DLC1: variants seen among roughly 807,000 people sequenced by gnomAD.
DLC1 encodes DLC1 Rho GTPase activating protein.
DLC1 carries 54 observed loss-of-function variants against 140.3 expected under a neutral mutation model. The observed-to-expected ratio is 0.38, with a 90% CI of 0.31 to 0.48. The LOEUF is 0.48. Ranked by LOEUF, DLC1 falls within the 20% of genes least tolerant of loss-of-function variation. DLC1 has a pLI of 0.96. For missense variants in DLC1, 2,536 were observed against 1,907.0 expected, an observed-to-expected ratio of 1.33 and a Z score of -6.14; for synonymous variants, 986 against 728.1, an observed-to-expected ratio of 1.35 and a Z score of -5.70.
upstream of DLC1, among the ~76,000 whole-genome samples, chr8:13,515,099 AAAAG>A (rs562230594): frequency 4.3e-3 from 660 of 152,262 alleles, 5 homozygotes; most frequent in African/African-American, 0.015. Context: ...TGCTTATGAA[AAAAG>A]AAAGAAAGAA....
Position 13,211,291 on chromosome 8 carries a change from T to C in DLC1, c.1348+93978A>G, listed in dbSNP as rs573014565. 7.2e-5 allele frequency among the ~76,000 whole-genome samples: 11 copies of C among 152,356 alleles called. No individual in the cohort carries two copies. In the South Asian group the frequency reaches 2.3e-3, roughly 32 times the overall value. ...TAGCTAGCCATCAATGCACAAGGGC[T>C]ACTCTGTGCTACTTTGCCTAGGGGT... On this transcript the variant is annotated intron_variant, in intron 5 of 17. Coordinates refer to ENST00000276297, the MANE Select transcript of DLC1 (RefSeq NM_182643.3).
At chr8:13,216,244 C>T (rs1828194290) in intron 5 of DLC1, among the ~76,000 whole-genome samples, 1 of 152,182 alleles carries the variant, frequency 6.6e-6, no homozygotes, top group African/African-American at 2.4e-5. Flanking sequence ...CCAAAGGTCT[C>T]ATTTGATACT....
intron 1 of DLC1, among the ~76,000 whole-genome samples, chr8:13,581,375 C>G (rs181780490): frequency 1.9e-4 from 29 of 152,262 alleles, no homozygotes; most frequent in African/African-American, 7.0e-4. Flanking sequence ...CTTGCTGTTC[C>G]CCCAGTCCTG....
chr8:13,343,026 G>T (rs75464382), intron 4 of DLC1, among the ~76,000 whole-genome samples: 2 of 152,018 alleles, frequency 1.3e-5, no homozygotes, highest in African/African-American at 4.8e-5. Context: ...TAATTTTCCC[G>T]TTAACGTTAA....
At chr8:13,361,669 A>T (rs1281800661) in intron 4 of DLC1, among the ~76,000 whole-genome samples, 1 of 152,170 alleles carries the variant, frequency 6.6e-6, no homozygotes, top group South Asian at 2.1e-4. Context: ...TATTTCCTAT[A>T]TTTCAAAGAT....
chr8:13,265,203 A>T (rs1830635597), intron 5 of DLC1, among the ~76,000 whole-genome samples: 1 of 152,236 alleles, frequency 6.6e-6, no homozygotes, highest in Non-Finnish European at 1.5e-5. Flanking sequence ...ATGGTCTTTT[A>T]TTAATTCACT....
chr8:13,517,741 G>A (rs1802636489), upstream of DLC1, among the ~76,000 whole-genome samples: 1 of 152,204 alleles, frequency 6.6e-6, no homozygotes, highest in Non-Finnish European at 1.5e-5. Flanking sequence ...GGACAGTTAA[G>A]AACTTGAAAA....
chr8:13,202,561 G>C (rs1285570676), intron 5 of DLC1, among the ~76,000 whole-genome samples: 1 of 151,718 alleles, frequency 6.6e-6, no homozygotes, highest in Non-Finnish European at 1.5e-5. Flanking sequence ...CTTCGCTGTG[G>C]GCTTTATCTT....
intron 2 of DLC1, among the ~76,000 whole-genome samples, chr8:13,497,720 C>T (rs1292079416): frequency 6.6e-6 from 1 of 152,056 alleles, no homozygotes; most frequent in Non-Finnish European, 1.5e-5. Context: ...TACAGCATTC[C>T]CTCAAACAGA....
At chr8:13,125,329 T>C (rs1011088704) in intron 5 of DLC1, among the ~76,000 whole-genome samples, 2 of 152,190 alleles carry the variant, frequency 1.3e-5, no homozygotes, top group African/African-American at 4.8e-5. Flanking sequence ...AAGCCTGTAT[T>C]CATATCATAG....
At chr8:13,273,415 A>C (rs1831027627) in intron 5 of DLC1, among the ~76,000 whole-genome samples, 1 of 152,180 alleles carries the variant, frequency 6.6e-6, no homozygotes, top group Non-Finnish European at 1.5e-5. Context: ...TGGTTGTAGA[A>C]GATAGGATTA....
At chr8:13,187,093 G>A (rs1156300878) in intron 5 of DLC1, among the ~76,000 whole-genome samples, 1 of 152,130 alleles carries the variant, frequency 6.6e-6, no homozygotes, top group Non-Finnish European at 1.5e-5. Flanking sequence ...TGGATCAGGT[G>A]GCCGTATTTC....
intron 5 of DLC1, among the ~76,000 whole-genome samples, chr8:13,157,654 G>A (rs1370476801): frequency 6.6e-6 from 1 of 152,156 alleles, no homozygotes; most frequent in Admixed American, 6.5e-5. Context: ...GGTCTAAAAA[G>A]GGATGTCTTC....
chr8:13,563,502 C>A (rs1804316552), intron 1 of DLC1, among the ~76,000 whole-genome samples: 1 of 152,100 alleles, frequency 6.6e-6, no homozygotes, highest in South Asian at 2.1e-4. Flanking sequence ...GAATCAGCTC[C>A]TCACAGCGAG....
chr8:13,449,291 G>C (rs1005958144), intron 2 of DLC1, among the ~76,000 whole-genome samples: 17 of 152,168 alleles, frequency 1.1e-4, no homozygotes, highest in African/African-American at 4.1e-4. Flanking sequence ...ATAATAGAGA[G>C]AAATGGAGGG....
intron 5 of DLC1, among the ~76,000 whole-genome samples, chr8:13,299,713 C>T (rs1036783219): frequency 2.6e-5 from 4 of 152,096 alleles, no homozygotes; most frequent in East Asian, 1.9e-4. Context: ...AACAAATGCA[C>T]GTTAGGCACA....
At chr8:13,270,440 A>C (rs1830883885) in intron 5 of DLC1, among the ~76,000 whole-genome samples, 1 of 152,218 alleles carries the variant, frequency 6.6e-6, no homozygotes, top group Non-Finnish European at 1.5e-5. Flanking sequence ...CGTGCTTGAA[A>C]GCCCAGGCCT....
intron 1 of DLC1, among the ~76,000 whole-genome samples, chr8:13,552,888 T>C (rs2117361021): frequency 6.6e-6 from 1 of 152,012 alleles, no homozygotes; most frequent in Non-Finnish European, 1.5e-5. Flanking sequence ...TAGAGAGCAT[T>C]AATATGTATT....
At chr8:13,174,801 T>C (rs143496148) in intron 5 of DLC1, among the ~76,000 whole-genome samples, 2 of 152,276 alleles carry the variant, frequency 1.3e-5, no homozygotes, top group East Asian at 3.9e-4. Flanking sequence ...TTTTCTCCCA[T>C]TCTGTAGGTT....
Sources: allele counts gnomAD v4.1 joint callset (sites outside exome capture counted in the v4.1 genomes callset), GRCh38; gene constraint gnomAD v4.1.1; transcripts MANE v1.5; gene names NCBI Gene and HGNC (gene_info 2026-07-23, HGNC 2026-07-21).